The following NSMCE2 variants were observed in gnomAD, a reference collection of about 807,000 sequenced individuals.
The protein encoded by NSMCE2 is E3 SUMO-protein ligase NSE2.
Under a neutral mutation model 23.8 loss-of-function variants are expected in NSMCE2, and 24 were observed. That is an observed-to-expected ratio of 1.01 (90% CI 0.73 to 1.42). The LOEUF (loss-of-function observed/expected upper bound fraction) is 1.42, where lower values mean the gene tolerates loss of function less well. Ranked by LOEUF, NSMCE2 falls within the 40% of genes most tolerant of loss-of-function variation. NSMCE2 has a pLI of 0.00. For synonymous variants in NSMCE2, 92 were observed against 94.1 expected, an observed-to-expected ratio of 0.98 and a Z score of 0.13; for missense variants, 284 against 296.5, an observed-to-expected ratio of 0.96 and a Z score of 0.31.
At chr8:125,107,221 C>T (rs1818508566) in intron 3 of NSMCE2, among the ~76,000 whole-genome samples, 1 of 123,944 alleles carries the variant, frequency 8.1e-6, no homozygotes, top group Non-Finnish European at 1.6e-5. Context: ...TGGAGTCTTG[C>T]TCTGTCCCAG....
In NSMCE2 at chr8:125,096,451, G is replaced by T. The variant is rs76541851; in HGVS notation, c.-111+4493G>T. On this transcript the variant is annotated intron_variant, in intron 1 of 7. Transcript: ENST00000287437. ...ATATTTTTGAGGATTATTTTTTTCA[G>T]TGTAACCCATTATCTCATATATGAT... Among the ~76,000 whole-genome samples, 1,027 of 151,722 alleles carry T rather than the reference G, an allele frequency of 6.8e-3. 12 individuals carry two copies. Among genetic ancestry groups the T allele is most frequent in the Non-Finnish European group, 6.3e-3 (430 of 67,970 alleles).
intron 5 of NSMCE2, among the ~76,000 whole-genome samples, chr8:125,328,689 G>T (rs1031321897): frequency 6.6e-6 from 1 of 152,188 alleles, no homozygotes; most frequent in African/African-American, 2.4e-5. Flanking sequence ...GCATGAATCA[G>T]TGATTTGCTA....
intron 5 of NSMCE2, among the ~76,000 whole-genome samples, chr8:125,255,901 C>T (rs1007777504): frequency 6.6e-6 from 1 of 151,994 alleles, no homozygotes; most frequent in Non-Finnish European, 1.5e-5. Flanking sequence ...ACAATGAGGC[C>T]TAAATTAAGA....
chr8:125,144,749 C>A (rs979447448), intron 3 of NSMCE2, among the ~76,000 whole-genome samples: 2 of 152,134 alleles, frequency 1.3e-5, no homozygotes, highest in Non-Finnish European at 2.9e-5. Context: ...TTGTTTGTGC[C>A]TCATTCATCA....
chr8:125,228,532 T>C (rs56397455), intron 5 of NSMCE2, among the ~76,000 whole-genome samples: 7,550 of 152,258 alleles, frequency 0.05, 222 homozygotes, highest in African/African-American at 0.076. Flanking sequence ...CTGGAAGAGC[T>C]GACATTTGAG....
chr8:125,352,278 G>A (rs749171044), intron 5 of NSMCE2, among the ~76,000 whole-genome samples: 6 of 151,958 alleles, frequency 3.9e-5, no homozygotes, highest in South Asian at 2.1e-4. Context: ...GTCAGTTCGC[G>A]ACCAGCCTGA....
chr8:125,189,485 C>T (rs1235192513), intron 5 of NSMCE2, among the ~76,000 whole-genome samples: 3 of 152,206 alleles, frequency 2.0e-5, no homozygotes, highest in African/African-American at 7.2e-5. Context: ...TAAGCCAAAG[C>T]AACTAACTGG....
At chr8:125,343,368 G>T (rs999086454) in intron 5 of NSMCE2, among the ~76,000 whole-genome samples, 1 of 152,118 alleles carries the variant, frequency 6.6e-6, no homozygotes, top group Non-Finnish European at 1.5e-5. Flanking sequence ...TATGATATCA[G>T]GTCTAGATTT....
intron 3 of NSMCE2, among the ~76,000 whole-genome samples, chr8:125,109,351 A>G (rs1445275486): frequency 2.0e-5 from 3 of 152,178 alleles, no homozygotes; most frequent in African/African-American, 7.2e-5. Flanking sequence ...AGCTGTTACT[A>G]GTAATTTGGT....
intron 5 of NSMCE2, among the ~76,000 whole-genome samples, chr8:125,291,434 G>A (rs1828100198): frequency 6.6e-6 from 1 of 152,130 alleles, no homozygotes; most frequent in Non-Finnish European, 1.5e-5. Context: ...TTAGCCTGGA[G>A]CTCGATGTAA....
chr8:125,134,103 C>T (rs1819928038), intron 3 of NSMCE2, among the ~76,000 whole-genome samples: 1 of 152,172 alleles, frequency 6.6e-6, no homozygotes, highest in Admixed American at 6.5e-5. Context: ...TAGTACAAAG[C>T]AATCATATTC....
At chr8:125,128,756 A>G (rs910965979) in intron 3 of NSMCE2, among the ~76,000 whole-genome samples, 3 of 152,166 alleles carry the variant, frequency 2.0e-5, no homozygotes, top group African/African-American at 4.8e-5. Context: ...AAACCTGGCA[A>G]TGGCCCATTG....
chr8:125,226,482 G>A (rs766126845), intron 5 of NSMCE2, among the ~76,000 whole-genome samples: 13 of 152,090 alleles, frequency 8.5e-5, no homozygotes, highest in Middle Eastern at 3.2e-3. Context: ...TTCTTGCACT[G>A]TACCCCTCAT....
In NSMCE2 at chr8:125,324,660, C is replaced by T. The variant is rs1254592059; in HGVS notation, c.419-32559C>T. Among the ~76,000 whole-genome samples the T allele has an allele frequency of 7.3e-5, 4 of 54,542 alleles. 1 individual carries two copies. Among genetic ancestry groups the T allele is most frequent in the Non-Finnish European group, 1.8e-4 (3 of 16,368 alleles). The allele number at this position is 54,542 out of a possible 152,430, so 35.8% of individuals were successfully genotyped here. ...CGCAATCTCGGCTCACTGCAAGCTC[C>T]GCCTCCCGGGTTCACGCCATTCTCC... On this transcript the variant is annotated intron_variant, in intron 5 of 7. Transcript: ENST00000287437.
chr8:125,283,781 A>C (rs1468188237), intron 5 of NSMCE2, among the ~76,000 whole-genome samples: 1 of 152,148 alleles, frequency 6.6e-6, no homozygotes, highest in Admixed American at 6.5e-5. Flanking sequence ...CCCTAGAGGA[A>C]CCCAGGGCCC....
intron 5 of NSMCE2, among the ~76,000 whole-genome samples, chr8:125,336,307 T>C (rs182311106): frequency 3.7e-4 from 56 of 152,312 alleles, no homozygotes; most frequent in African/African-American, 1.3e-3. Context: ...AAATACTCAG[T>C]CCTTACAGTA....
intron 5 of NSMCE2, among the ~76,000 whole-genome samples, chr8:125,328,626 A>G (rs765520376): frequency 3.3e-5 from 5 of 152,222 alleles, no homozygotes; most frequent in Admixed American, 1.3e-4. Flanking sequence ...AGGATTCTCC[A>G]CATGATTCAC....
chr8:125,243,183 T>C (rs913681232), intron 5 of NSMCE2, among the ~76,000 whole-genome samples: 1 of 152,142 alleles, frequency 6.6e-6, no homozygotes, highest in East Asian at 1.9e-4. Flanking sequence ...ACAATTGTAA[T>C]AGAGAATACA....
At chr8:125,162,300 G>C (rs995463076) in intron 4 of NSMCE2, among the ~76,000 whole-genome samples, 2 of 152,120 alleles carry the variant, frequency 1.3e-5, no homozygotes, top group Non-Finnish European at 2.9e-5. Context: ...AGAAATTCTT[G>C]TTACTGCTTA....
Sources: gnomAD v4.1 joint callset for allele counts (sites outside exome capture counted in the v4.1 genomes callset) on GRCh38, gnomAD v4.1.1 for gene constraint, MANE v1.5 for transcripts, NCBI Gene and HGNC (gene_info 2026-07-23, HGNC 2026-07-21) for gene names.